The following ANO2 variants were observed in gnomAD, a reference collection of about 807,000 sequenced individuals.
ANO2 encodes anoctamin-2.
Under a neutral mutation model 124.2 loss-of-function variants are expected in ANO2, and 101 were observed. The observed-to-expected ratio is 0.81, with a 90% confidence interval of 0.69 to 0.96. ANO2 has a LOEUF of 0.96. ANO2 is among the 40% of genes least tolerant of loss of function. ANO2 has a pLI of 0.00. For missense variants in ANO2, 1,293 were observed against 1,274.5 expected, an observed-to-expected ratio of 1.01 and a Z score of -0.22; for synonymous variants, 486 against 482.5, an observed-to-expected ratio of 1.01 and a Z score of -0.09.
chr12:5,694,574 G>A (rs900934409), intron 14 of ANO2, among the ~76,000 whole-genome samples: 3 of 152,056 alleles, frequency 2.0e-5, no homozygotes, highest in South Asian at 2.1e-4. Context: ...TCCCCCTCTC[G>A]GCCTCAGTTT....
At chr12:5,662,147 C>G (rs1039460215) in intron 14 of ANO2, among the ~76,000 whole-genome samples, 2 of 152,258 alleles carry the variant, frequency 1.3e-5, no homozygotes, top group African/African-American at 4.8e-5. Context: ...AGGGCAAGAA[C>G]TGAAGGTGGG....
chr12:5,744,590 A>G (rs1591559466), intron 11 of ANO2, among the ~76,000 whole-genome samples: 1 of 152,322 alleles, frequency 6.6e-6, no homozygotes, highest in East Asian at 1.9e-4. Flanking sequence ...GACATTGAGC[A>G]TTAAATGATG....
chr12:5,832,747 C>T, intron 4 of ANO2, 144 bp from the exon 5 acceptor site: 1 of 987,792 alleles, frequency 1.0e-6, no homozygotes, highest in Non-Finnish European at 1.4e-6. Context: ...AGAAGGAGGG[C>T]CTTTCCCTTT....
chr12:5,593,946 AAG>A (rs556287192), intron 20 of ANO2, among the ~76,000 whole-genome samples: 2 of 152,218 alleles, frequency 1.3e-5, no homozygotes, highest in Non-Finnish European at 2.9e-5. Context: ...ACTTGAGAAA[AAG>A]TATGTCCTTA....
chr12:5,849,168 G>C (rs759935997), intron 4 of ANO2, among the ~76,000 whole-genome samples: 1 of 152,196 alleles, frequency 6.6e-6, no homozygotes, highest in Non-Finnish European at 1.5e-5. Context: ...ATTAACAATA[G>C]CTACAAAAGC....
At chr12:5,723,732 A>G (rs1338321203) in intron 14 of ANO2, among the ~76,000 whole-genome samples, 2 of 152,216 alleles carry the variant, frequency 1.3e-5, no homozygotes, top group Non-Finnish European at 2.9e-5. Flanking sequence ...AATAGTACAT[A>G]AAATTGTCAG....
chr12:5,781,070 G>A (rs563299982), intron 10 of ANO2, among the ~76,000 whole-genome samples: 2 of 152,320 alleles, frequency 1.3e-5, no homozygotes, highest in South Asian at 2.1e-4. Context: ...GGTAGCAATC[G>A]AGAAGGCTCA....
At position 5,636,275 on chromosome 12, in the gene ANO2, G is replaced by A. The variant is rs10849305; in HGVS notation, c.1621-928C>T. On this transcript the variant is annotated intron_variant, in intron 15 of 24. Transcript: ENST00000682330. The surrounding 1 kb of genome is among the most constrained non-coding windows in gnomAD (Gnocchi z 4.6). ...CCCCACGTCCCCTCCTGTCCCCATC[G>A]CAACCAAGGAAGGATCATTTCCAGG... Among the ~76,000 whole-genome samples, 108 of 151,742 alleles carry A rather than the reference G, an allele frequency of 7.1e-4. 2 individuals carry two copies. The highest frequency in any genetic ancestry group is 5.6e-4 in the Non-Finnish European group (38 of 67,978).
chr12:5,873,280 C>T (rs1481218944), intron 3 of ANO2, among the ~76,000 whole-genome samples: 1 of 146,192 alleles, frequency 6.8e-6, no homozygotes, highest in Non-Finnish European at 1.5e-5. Flanking sequence ...TTTCTCTGCA[C>T]CTGGTGTCCC....
At chr12:5,943,160 C>T (rs973899050) in intron 1 of ANO2, among the ~76,000 whole-genome samples, 2 of 152,156 alleles carry the variant, frequency 1.3e-5, no homozygotes, top group African/African-American at 4.8e-5. Context: ...AAGACACATG[C>T]ACATGTATGT....
intron 3 of ANO2, among the ~76,000 whole-genome samples, chr12:5,894,285 T>G (rs1939619349): frequency 6.6e-6 from 1 of 152,228 alleles, no homozygotes; most frequent in Non-Finnish European, 1.5e-5. Context: ...CATAAATGTC[T>G]TCTTTTGAGA....
At chr12:5,640,837 C>T (rs1280886529) in intron 15 of ANO2, among the ~76,000 whole-genome samples, 1 of 152,176 alleles carries the variant, frequency 6.6e-6, no homozygotes, top group Non-Finnish European at 1.5e-5. Context: ...GGATCTAGAA[C>T]TAGAAATACC....
chr12:5,860,960 C>A (rs987448874), intron 3 of ANO2, among the ~76,000 whole-genome samples: 1 of 152,194 alleles, frequency 6.6e-6, no homozygotes, highest in African/African-American at 2.4e-5. Context: ...CAGTCTTTGA[C>A]GTCTTCACTC....
chr12:5,797,176 G>T (rs1201317938), intron 10 of ANO2, among the ~76,000 whole-genome samples: 1 of 152,236 alleles, frequency 6.6e-6, no homozygotes, highest in Non-Finnish European at 1.5e-5. Context: ...AAACTGTCAT[G>T]GTGTGGGGCC....
At chr12:5,742,776 T>TG (rs1375977432) in intron 12 of ANO2, among the ~76,000 whole-genome samples, 4 of 152,122 alleles carry the variant, frequency 2.6e-5, no homozygotes, top group African/African-American at 9.7e-5. Context: ...TCAGTTCAGG[T>TG]GGATCTTGGG....
chr12:5,652,809 T>G (rs1355844096), intron 14 of ANO2, among the ~76,000 whole-genome samples: 1 of 152,180 alleles, frequency 6.6e-6, no homozygotes, highest in East Asian at 1.9e-4. Flanking sequence ...ATGTCAACCT[T>G]GATCTCCTGG....
chr12:5,603,083 T>C (rs369608769), intron 19 of ANO2, among the ~76,000 whole-genome samples: 11 of 152,088 alleles, frequency 7.2e-5, no homozygotes, highest in Non-Finnish European at 1.2e-4. Context: ...ACATACAGAA[T>C]CCAGCAAACA....
At chr12:5,601,038 A>C (rs1221385051) in intron 19 of ANO2, among the ~76,000 whole-genome samples, 1 of 152,242 alleles carries the variant, frequency 6.6e-6, no homozygotes, top group Admixed American at 6.5e-5. Context: ...ATAGTGGATA[A>C]AAGTCTCATC....
intron 4 of ANO2, among the ~76,000 whole-genome samples, chr12:5,840,599 T>G (rs73050231): frequency 0.24 from 36,937 of 152,022 alleles, 5,170 homozygotes; most frequent in African/African-American, 0.36. Flanking sequence ...GGAAAAGGTC[T>G]AACAGTATAA....
Sources: gnomAD v4.1 joint callset for allele counts (sites outside exome capture counted in the v4.1 genomes callset) on GRCh38, gnomAD v4.1.1 for gene constraint, Gnocchi (gnomAD v3.1) non-coding constraint, MANE v1.5 for transcripts, NCBI Gene and HGNC (gene_info 2026-07-23, HGNC 2026-07-21) for gene names.